The following ST8SIA6 variants were observed in gnomAD, a reference collection of about 807,000 sequenced individuals.
The protein encoded by ST8SIA6 is ST8 alpha-N-acetyl-neuraminide alpha-2,8-sialyltransferase 6.
Under a neutral mutation model 33.6 loss-of-function variants are expected in ST8SIA6, and 39 were observed. The ratio of observed to expected loss-of-function variants is 1.16; its 90% CI spans 0.90 to 1.52. The LOEUF (loss-of-function observed/expected upper bound fraction) is 1.52. Among genes scored for constraint, ST8SIA6 ranks in the 40% most tolerant of loss-of-function variants. The probability of loss-of-function intolerance (pLI) is 0.00; values close to 1 mark genes in which losing one functional copy is unlikely to be tolerated. For synonymous variants in ST8SIA6, 172 were observed against 167.2 expected, an observed-to-expected ratio of 1.03 and a Z score of -0.22; for missense variants, 441 against 443.8, an observed-to-expected ratio of 0.99 and a Z score of 0.06.
intron 4 of ST8SIA6, 76 bp from the exon 5 acceptor site, chr10:17,331,628 G>A (rs1475740601): frequency 1.1e-5 from 15 of 1,415,620 alleles, no homozygotes; most frequent in Non-Finnish European, 1.4e-5. Flanking sequence ...GATGGACAAT[G>A]CCGAAGAGGA....
intron 4 of ST8SIA6, among the ~76,000 whole-genome samples, chr10:17,336,865 A>G (rs1848516030): frequency 6.6e-6 from 1 of 152,108 alleles, no homozygotes; most frequent in African/African-American, 2.4e-5. Context: ...AAGTGCTGGG[A>G]TTACACGTGT....
chr10:17,332,585 C>T (rs1220307606), intron 4 of ST8SIA6, among the ~76,000 whole-genome samples: 1 of 152,158 alleles, frequency 6.6e-6, no homozygotes, highest in Non-Finnish European at 1.5e-5. Flanking sequence ...CTGCCTCAGC[C>T]TCCTGAGTAG....
Position 17,320,858 on chromosome 10 carries a change from C to G in ST8SIA6, c.*20G>C, listed in dbSNP as rs1276447503. 1.7e-5 allele frequency: 27 copies of G among 1,600,306 alleles called. No individual in the cohort carries two copies. Among genetic ancestry groups the G allele is most frequent in the Non-Finnish European group, 2.3e-5 (27 of 1,168,290 alleles). ...CCTACTGCATTATATTAAAATTATTCCCATTTTAAGATACTTTGTTTAGGC... is the reference window on the plus strand; with the variant it reads ...CCTACTGCATTATATTAAAATTATTGCCATTTTAAGATACTTTGTTTAGGC... On this transcript the variant is annotated 3_prime_UTR_variant, in exon 8 of 8. Transcript: ENST00000377602.
chr10:17,375,341 A>T (rs1849877050), intron 3 of ST8SIA6, among the ~76,000 whole-genome samples: 1 of 152,222 alleles, frequency 6.6e-6, no homozygotes, highest in African/African-American at 2.4e-5. Context: ...TTCAAGTGAT[A>T]TGCTCACACT....
chr10:17,331,635 A>C, intron 4 of ST8SIA6, 83 bp from the exon 5 acceptor site: 1 of 1,382,826 alleles, frequency 7.2e-7, no homozygotes, highest in Non-Finnish European at 9.6e-7. Context: ...AATGCCGAAG[A>C]GGATTTTGCC....
At chr10:17,415,342 A>G (rs1851568478) in intron 2 of ST8SIA6, among the ~76,000 whole-genome samples, 1 of 152,218 alleles carries the variant, frequency 6.6e-6, no homozygotes, top group South Asian at 2.1e-4. Context: ...GGATTCTCCT[A>G]AGATACTCAA....
At chr10:17,357,011 G>T (rs1310091005) in intron 4 of ST8SIA6, among the ~76,000 whole-genome samples, 4 of 152,192 alleles carry the variant, frequency 2.6e-5, no homozygotes, top group Admixed American at 2.0e-4. Context: ...TCTGAATAAG[G>T]TTACCTTCCC....
intron 3 of ST8SIA6, 95 bp downstream of exon 3, chr10:17,390,436 T>A: frequency 2.8e-6 from 3 of 1,063,572 alleles, no homozygotes; most frequent in Non-Finnish European, 4.2e-6. Context: ...GAGTGAACAG[T>A]CTCATATTCC....
intron 2 of ST8SIA6, among the ~76,000 whole-genome samples, chr10:17,416,937 A>G (rs1006991931): frequency 7.2e-5 from 11 of 152,136 alleles, no homozygotes; most frequent in Non-Finnish European, 8.8e-5. Context: ...TAGTAGGTCT[A>G]TTTCCTCCTT....
At chr10:17,419,208 T>C (rs1163143121) in intron 2 of ST8SIA6, among the ~76,000 whole-genome samples, 3 of 152,080 alleles carry the variant, frequency 2.0e-5, no homozygotes, top group Non-Finnish European at 2.9e-5. Context: ...GCTGTAATTT[T>C]TCTCCATGTG....
intron 2 of ST8SIA6, among the ~76,000 whole-genome samples, chr10:17,421,027 G>A (rs72778932): frequency 0.016 from 2,509 of 152,252 alleles, 30 homozygotes; most frequent in Non-Finnish European, 0.025. Flanking sequence ...CAGCAAGGGG[G>A]AAATCCAGCC....
At chr10:17,379,519 A>C (rs1850052959) in intron 3 of ST8SIA6, among the ~76,000 whole-genome samples, 1 of 152,204 alleles carries the variant, frequency 6.6e-6, no homozygotes, top group South Asian at 2.1e-4. Flanking sequence ...TTCTATTCAA[A>C]GTTATCCCTC....
At chr10:17,372,164 G>T (rs1291956261) in intron 3 of ST8SIA6, among the ~76,000 whole-genome samples, 5 of 152,162 alleles carry the variant, frequency 3.3e-5, no homozygotes, top group African/African-American at 9.7e-5. Context: ...CATCAGCCAG[G>T]ATCTTACCAA....
chr10:17,368,689 GTAA>G (rs1849640802), intron 3 of ST8SIA6, among the ~76,000 whole-genome samples: 1 of 152,000 alleles, frequency 6.6e-6, no homozygotes, highest in South Asian at 2.1e-4. Flanking sequence ...AATTAATAAA[GTAA>G]TAATTAAGTA....
rs1847860291 is a variant in ST8SIA6, at chr10:17,319,105, A to G, written c.*1773T>C. 6.6e-6 allele frequency among the ~76,000 whole-genome samples: 1 copy of G among 152,204 alleles called. No individual in the cohort carries two copies. The highest frequency in any genetic ancestry group is 6.5e-5 in the Admixed American group (1 of 15,268). ...AACTATAGACCCACTTGAGAAAAAGATAAAAAGAATGCACATGTTATATGT... is the reference window on the plus strand; with the variant it reads ...AACTATAGACCCACTTGAGAAAAAGGTAAAAAGAATGCACATGTTATATGT... On this transcript the variant is annotated 3_prime_UTR_variant, in exon 8 of 8. Transcript: ENST00000377602.
chr10:17,424,506 G>A (rs1318657139), intron 2 of ST8SIA6, among the ~76,000 whole-genome samples: 1 of 152,140 alleles, frequency 6.6e-6, no homozygotes, highest in Non-Finnish European at 1.5e-5. Flanking sequence ...ATGAGTGTGA[G>A]TATAAGCCTG....
chr10:17,341,095 G>C (rs1410867129), intron 4 of ST8SIA6, among the ~76,000 whole-genome samples: 1 of 152,178 alleles, frequency 6.6e-6, no homozygotes, highest in Non-Finnish European at 1.5e-5. Context: ...AGATTTACAG[G>C]CTTTCACTTG....
chr10:17,359,613 TG>T lies in ST8SIA6; in HGVS notation c.291-14del. ...GTTCTCTGAATACCTAAAAATTAAATGTCAATATAATTAGAAAATAATGATC... is the reference window on the plus strand; with the variant it reads ...GTTCTCTGAATACCTAAAAATTAAATTCAATATAATTAGAAAATAATGATC... On this transcript the variant is annotated splice_polypyrimidine_tract_variant and intron_variant, in intron 3 of 7. Coordinates refer to ENST00000377602, the MANE Select transcript of ST8SIA6 (RefSeq NM_001004470.3). 1.3e-6 allele frequency: 2 copies of T among 1,529,746 alleles called. No homozygotes were observed. The highest frequency in any genetic ancestry group is 1.8e-6 in the Non-Finnish European group (2 of 1,116,116). 94.8% of individuals were successfully genotyped at this position (1,529,746 alleles called of 1,614,324 possible).
At chr10:17,427,668 G>A (rs1163731571) in intron 2 of ST8SIA6, among the ~76,000 whole-genome samples, 3 of 152,254 alleles carry the variant, frequency 2.0e-5, no homozygotes, top group Non-Finnish European at 4.4e-5. Context: ...GCAGCTGAAT[G>A]TGAATTCAGC....
Sources: allele counts gnomAD v4.1 joint callset (sites outside exome capture counted in the v4.1 genomes callset), GRCh38; gene constraint gnomAD v4.1.1; transcripts MANE v1.5; gene names NCBI Gene and HGNC (gene_info 2026-07-23, HGNC 2026-07-21).